STK11IP: variants seen among roughly 807,000 people sequenced by gnomAD.
STK11IP encodes the protein serine/threonine-protein kinase 11-interacting protein.
A neutral mutation model predicts 131.7 loss-of-function variants in STK11IP; 103 were observed. That is an observed-to-expected ratio of 0.78 (90% CI 0.67 to 0.92). The LOEUF is 0.92. STK11IP is among the 40% of genes least tolerant of loss of function. The pLI, the probability that STK11IP is intolerant of heterozygous loss-of-function variation, is 0.00. For missense variants in STK11IP, 1,315 were observed against 1,385.7 expected (o/e 0.95, Z 0.81); for synonymous variants, 557 against 575.6 (o/e 0.97, Z 0.46).
chr2:219,611,001 T>A (rs1698378881), intron 17 of STK11IP, among the ~76,000 whole-genome samples: 4 of 152,224 alleles, frequency 2.6e-5, no homozygotes, highest in Admixed American at 2.6e-4. Flanking sequence ...CCCATCACGG[T>A]GTAGCTGCTC....
In STK11IP at chr2:219,613,126, A is replaced by G; in HGVS notation, c.2440-2A>G. 1.9e-6 allele frequency: 3 copies of G among 1,611,242 alleles called. No homozygotes were observed. The highest frequency in any genetic ancestry group is 2.5e-6 in the Non-Finnish European group (3 of 1,178,862). ...TTTCTCACCAACTTCCTCTTCCCCC[A>G]GGTGCCAGTGGCATTGGCAGGCCAC... On this transcript the variant is annotated splice_acceptor_variant, in intron 19 of 24. Coordinates refer to ENST00000456909, the MANE Select transcript of STK11IP (RefSeq NM_052902.4). LOFTEE classifies it high-confidence loss of function.
Position 219,610,351 on chromosome 2 carries a change from A to G in STK11IP, c.2104+811A>G, listed in dbSNP as rs143284683. ...TGCTGTGGTCTCTGGAGCCTCTTCCATGGTGGCGTTATTAATGAACATTAC... is the reference window on the plus strand; with the variant it reads ...TGCTGTGGTCTCTGGAGCCTCTTCCGTGGTGGCGTTATTAATGAACATTAC... On this transcript the variant is annotated intron_variant, in intron 17 of 24. Transcript: ENST00000456909. Among the ~76,000 whole-genome samples the G allele has an allele frequency of 8.9e-3, 1,357 of 152,100 alleles. 18 individuals carry two copies. Among genetic ancestry groups the G allele is most frequent in the African/African-American group, 0.029 (1,205 of 41,480 alleles).
chr2:219,600,052 T>TTG (rs1697932647), intron 2 of STK11IP, among the ~76,000 whole-genome samples: 1 of 136,910 alleles, frequency 7.3e-6, no homozygotes, highest in African/African-American at 3.1e-5. Flanking sequence ...TTTTTTTTTT[T>TTG]GTTTTTGTTT....
At chr2:219,609,308 G>A in intron 16 of STK11IP, 55 bp from the exon 17 acceptor site, 1 of 1,595,004 alleles carries the variant, frequency 6.3e-7, no homozygotes, top group Non-Finnish European at 8.5e-7. Context: ...GCCTGTGGGA[G>A]GTGTCCGTCT....
At chr2:219,612,530 T>C (rs1698430529) in intron 19 of STK11IP, among the ~76,000 whole-genome samples, 2 of 152,206 alleles carry the variant, frequency 1.3e-5, no homozygotes, top group Non-Finnish European at 1.5e-5. Context: ...CTAGTCCAGC[T>C]TGAGTGGGTC....
rs771309963 is a variant in STK11IP at position 219,606,290 on chromosome 2, C to A, written c.945C>A (p.Gly315=). 5 of 1,561,576 alleles carry A rather than the reference C, an allele frequency of 3.2e-6. No homozygotes were observed. The African/African-American group carries it at 5.4e-5, about 17-fold the overall frequency. ...CCCGGGCCAGGGATGCTGCTACTGG[C>A]GTGAGTGATCGTCCTGTGTCCACTC... ...LSPRARDAAT[G]FLLDGKVLSL... Residue 315 remains glycine (G), a splice_region_variant and synonymous_variant, in exon 10 of 25, where the codon GGC becomes GGA. Coordinates refer to ENST00000456909, the MANE Select transcript of STK11IP (RefSeq NM_052902.4).
At chr2:219,615,003 ACACCT>A (rs962043050) in intron 23 of STK11IP, 86 bp from the exon 24 acceptor site, 23 of 1,459,264 alleles carry the variant, frequency 1.6e-5, no homozygotes, top group Admixed American at 4.2e-5. Context: ...AGTGTGGTTC[ACACCT>A]CTTCTCCCCA....
chr2:219,608,321 A>G lies in STK11IP; in HGVS notation c.1494A>G (p.Glu498=). ...EEVRAEPQEE[E]EEKEGKEEKE... ...TCAGGGCGGAGCCACAGGAGGAGGA[A>G]GAGGAGAAGGAGGGGAAGGAGGAGA... The change falls in exon 14 of 25, where the codon GAA becomes GAG. Residue 498 remains glutamate (E), a synonymous_variant. Transcript: ENST00000456909. The G allele has an allele frequency of 1.2e-6, 2 of 1,604,404 alleles. No individual in the cohort carries two copies. Among genetic ancestry groups the G allele is most frequent in the South Asian group, 1.1e-5 (1 of 90,092 alleles).
At chr2:219,609,284 C>T (rs1442785417) in intron 16 of STK11IP, 71 bp downstream of exon 16, 15 of 1,578,242 alleles carry the variant, frequency 9.5e-6, no homozygotes, top group Non-Finnish European at 1.3e-5. Flanking sequence ...TGGCAGCAGG[C>T]CTGAGGGCCG....
At chr2:219,601,057 G>A (rs1016642268) in intron 2 of STK11IP, among the ~76,000 whole-genome samples, 178 bp from the exon 3 acceptor site, 2 of 152,146 alleles carry the variant, frequency 1.3e-5, no homozygotes, top group African/African-American at 4.8e-5. Context: ...GACTTTTTTT[G>A]AAGATGAGGG....
rs781758823 is a variant in STK11IP at position 219,602,489 on chromosome 2, G to A, written c.460G>A (p.Gly154Ser). 32 of 1,613,738 alleles carry A rather than the reference G, an allele frequency of 2.0e-5. No homozygotes were observed. Among genetic ancestry groups the A allele is most frequent in the Non-Finnish European group, 2.2e-5 (26 of 1,179,836 alleles). ...ALEELLSACG[G>S]DFCSALPWLA... is the part of the protein sequence containing the mutation. ...TCAGGAGCTCCTCTCAGCCTGCGGC[G>A]GCGACTTCTGCTCTGCCCTCCCTTG... is the stretch of plus-strand genomic sequence containing the variant. The change falls in exon 6 of 25, where the codon GGC (glycine) becomes AGC (serine). Residue 154 changes from glycine (G) to serine (S), a missense_variant. Transcript: ENST00000456909.
chr2:219,600,143 A>G (rs1045660485), intron 2 of STK11IP, among the ~76,000 whole-genome samples: 29 of 147,340 alleles, frequency 2.0e-4, no homozygotes, highest in Admixed American at 1.6e-3. Flanking sequence ...GCTCACTGCA[A>G]CCTCTGCCTC....
chr2:219,612,286 C>T (rs630164), intron 19 of STK11IP, among the ~76,000 whole-genome samples: 128,934 of 152,174 alleles, frequency 0.85, 57,215 homozygotes, highest in East Asian at 1. Flanking sequence ...CAGTGGCGTG[C>T]GTCAGGGCTC....
intron 15 of STK11IP, 66 bp from the exon 16 acceptor site, chr2:219,609,031 G>A: frequency 7.8e-7 from 1 of 1,289,204 alleles, no homozygotes; most frequent in Non-Finnish European, 1.1e-6. Context: ...CATGCTCTCA[G>A]CATCCCCTCA....
At position 219,613,161 on chromosome 2, in the gene STK11IP, T is replaced by A; in HGVS notation, c.2473T>A (p.Phe825Ile). The change falls in exon 20 of 25, where the codon TTC (phenylalanine) becomes ATC (isoleucine). Residue 825 changes from phenylalanine (F) to isoleucine (I), a missense_variant. By Grantham distance (21) the Phe-to-Ile change is conservative. Transcript: ENST00000456909. ...GGCATTGGCAGGCCACACTGGGGAG[T>A]TCATGTGCCTTGTGGTTGTGTCTGA... ...PVALAGHTGE[F>I]MCLVVVSDRR... 1.2e-6 allele frequency: 2 copies of A among 1,610,784 alleles called. No homozygotes were observed. The highest frequency in any genetic ancestry group is 1.7e-6 in the Non-Finnish European group (2 of 1,178,742).
chr2:219,612,574 A>G, intron 19 of STK11IP, among the ~76,000 whole-genome samples: 1 of 152,358 alleles, frequency 6.6e-6, no homozygotes, highest in East Asian at 1.9e-4. Context: ...GTCTAAGCTC[A>G]GTCTTGAAGG....
rs2106157217 is a variant in STK11IP, at chr2:219,608,093, C to G, written c.1266C>G (p.Phe422Leu). 1.2e-6 allele frequency: 2 copies of G among 1,612,866 alleles called. No homozygotes were observed. The highest frequency in any genetic ancestry group is 3.3e-5 in the Admixed American group (2 of 60,026). The change falls in exon 14 of 25, where the codon TTC becomes TTG. Residue 422 changes from phenylalanine (F) to leucine (L), a missense_variant. By Grantham distance (22) the Phe-to-Leu change is conservative. Transcript: ENST00000456909. ...CGGAGCTGGAGCTCATGAGCAGCTT[C>G]CGGGAACGGTTCGGCCGCAACTGGC... ...QHPELELMSS[F>L]RERFGRNWLQ...
Position 219,609,188 on chromosome 2 carries a change from A to G in STK11IP, c.1901A>G (p.Glu634Gly). 2 of 1,608,310 alleles carry G rather than the reference A, an allele frequency of 1.2e-6. No homozygotes were observed. The highest frequency in any genetic ancestry group is 1.7e-6 in the Non-Finnish European group (2 of 1,177,534). ...CAGTTGCGTCGCTATTTGGTGCTGGAGCCTGATGCCCACGCAGCTGTCCAG... is the reference window on the plus strand; with the variant it reads ...CAGTTGCGTCGCTATTTGGTGCTGGGGCCTGATGCCCACGCAGCTGTCCAG... ...DRQLRRYLVL[E>G]PDAHAAVQEL... The change falls in exon 16 of 25, where the codon GAG (glutamate) becomes GGG (glycine). Residue 634 changes from glutamate to glycine, a missense_variant. Physicochemically the swap from Glu to Gly is moderately conservative, Grantham distance 98. Transcript: ENST00000456909.
intron 20 of STK11IP, 60 bp downstream of exon 20, chr2:219,613,285 G>A (rs959654518): frequency 5.6e-4 from 73 of 129,530 alleles, no homozygotes; most frequent in Non-Finnish European, 9.3e-4. Context: ...GGGGGGAGAT[G>A]GGGGAGTGAG....
Sources: gnomAD v4.1 joint callset for allele counts (sites outside exome capture counted in the v4.1 genomes callset) on GRCh38, gnomAD v4.1.1 for gene constraint, MANE v1.5 for transcripts, NCBI Gene and HGNC (gene_info 2026-07-23, HGNC 2026-07-21) for gene names.